Variants in AUTS2 observed in about 807,000 individuals in gnomAD.
The protein encoded by AUTS2 is autism susceptibility gene 2 protein.
In AUTS2, 17 loss-of-function variants were observed where a neutral mutation model predicts 112.4. The observed-to-expected ratio is 0.15, with a 90% confidence interval of 0.10 to 0.23. The LOEUF (loss-of-function observed/expected upper bound fraction) is 0.23, where lower values mean the gene tolerates loss of function less well. AUTS2 is among the 10% of genes least tolerant of loss of function. The pLI is 1.00. For missense variants in AUTS2, 1,510 were observed against 1,701.6 expected (o/e 0.89, Z 1.98); for synonymous variants, 751 against 702.7 (o/e 1.07, Z -1.09).
chr7:69,697,705 A>C (rs1475361694), intron 1 of AUTS2, among the ~76,000 whole-genome samples: 2 of 152,142 alleles, frequency 1.3e-5, no homozygotes, highest in Non-Finnish European at 2.9e-5. Context: ...TGAGCTCTCC[A>C]CCCCAGCTTT....
chr7:70,444,065 A>G (rs1011245457), intron 5 of AUTS2, among the ~76,000 whole-genome samples: 5 of 152,122 alleles, frequency 3.3e-5, no homozygotes, highest in African/African-American at 1.2e-4. Context: ...GTCATGGCTT[A>G]CCTGAAGGGA....
In AUTS2 at chr7:70,790,830, A is replaced by G. The variant is rs202052364; in HGVS notation, c.3614A>G (p.Asn1205Ser). Residue 1205 changes from asparagine (N) to serine (S), a missense_variant, in exon 19 of 19, where the codon AAC becomes AGC. Asn to Ser is a conservative substitution (Grantham distance 46). Around this residue, in one of 3 missense-constraint regions of AUTS2, gnomAD observed 788 missense variants for 797.6 expected, o/e 0.99. Transcript: ENST00000342771. This position sits in a 1 kb window ranked among gnomAD's most constrained non-coding sequence, Gnocchi z 7.6. ...PRISPTAGNQ[N>S]GLLNKTPPTA... ...ATCAGCCCCACCGCGGGCAACCAGA[A>G]CGGACTCCTCAACAAGACCCCTCCG... The G allele has an allele frequency of 6.2e-7, 1 of 1,606,944 alleles. No individual in the cohort carries two copies. The highest frequency in any genetic ancestry group is 1.3e-5 in the African/African-American group (1 of 74,860).
At chr7:70,290,664 C>T in intron 4 of AUTS2, 1 of 1,355,654 alleles carries the variant, frequency 7.4e-7, no homozygotes, top group Admixed American at 4.1e-5. Flanking sequence ...TTTCTCTTTT[C>T]TCCATTCCTC....
chr7:69,967,157 C>T (rs1336414095), intron 2 of AUTS2, among the ~76,000 whole-genome samples: 1 of 152,154 alleles, frequency 6.6e-6, no homozygotes. Context: ...TTTTGGAGAT[C>T]ATGGGGTTAA....
At chr7:69,782,495 T>C (rs1318102610) in intron 1 of AUTS2, among the ~76,000 whole-genome samples, 1 of 152,150 alleles carries the variant, frequency 6.6e-6, no homozygotes, top group African/African-American at 2.4e-5. Context: ...CACAGGGAAT[T>C]TATTTGTAGC....
chr7:70,651,301 T>C (rs1180686201), intron 5 of AUTS2, among the ~76,000 whole-genome samples: 2 of 152,182 alleles, frequency 1.3e-5, no homozygotes, highest in Non-Finnish European at 2.9e-5. Context: ...GCCTGCCCCC[T>C]CTCTGGTGCT....
At chr7:69,846,112 G>C in intron 1 of AUTS2, among the ~76,000 whole-genome samples, 2 of 148,354 alleles carry the variant, frequency 1.3e-5, no homozygotes, top group Admixed American at 1.3e-4. Context: ...TTTTTTTTTG[G>C]TCTGTGCCTT....
In AUTS2 at chr7:70,112,083, A is replaced by G. The variant is rs113790035; in HGVS notation, c.523-6049A>G. On this transcript the variant is annotated intron_variant, in intron 2 of 18. Transcript: ENST00000342771. ...CTTTATAATTAGGCCATTTATTTCT[A>G]TTCTTTCACATTTAATAGAAAATAC... Among the ~76,000 whole-genome samples the G allele has an allele frequency of 1.6e-3, 248 of 151,722 alleles. 6 individuals carry two copies. The highest frequency in any genetic ancestry group is 5.6e-3 in the African/African-American group (231 of 41,422).
At chr7:70,349,467 TG>T (rs1791652399) in intron 4 of AUTS2, among the ~76,000 whole-genome samples, 1 of 152,232 alleles carries the variant, frequency 6.6e-6, no homozygotes, top group Non-Finnish European at 1.5e-5. Flanking sequence ...TATTTACCAG[TG>T]GTACTTGAAG....
At chr7:69,679,520 A>G (rs1438420203) in intron 1 of AUTS2, among the ~76,000 whole-genome samples, 2 of 152,266 alleles carry the variant, frequency 1.3e-5, no homozygotes, top group Non-Finnish European at 2.9e-5. Context: ...TTATGGAAAT[A>G]AATGATGATG....
At chr7:70,676,854 G>T (rs1335341578) in intron 5 of AUTS2, among the ~76,000 whole-genome samples, 1 of 151,368 alleles carries the variant, frequency 6.6e-6, no homozygotes, top group Admixed American at 6.6e-5. Context: ...TCCAGCCTGG[G>T]CGACAAGAGT....
chr7:70,577,750 T>C (rs1802231647), intron 5 of AUTS2, among the ~76,000 whole-genome samples: 1 of 152,216 alleles, frequency 6.6e-6, no homozygotes, highest in South Asian at 2.1e-4. Context: ...TAAGCTATGT[T>C]TTTTTCCCCA....
rs749426049 is a variant in AUTS2, at chr7:70,786,067, C to G, written c.2308+29C>G. ...AGTACCTCTAACTTTTAAAAATCTG[C>G]CTTGGACTTTTTATCTCCTGTGATC... On this transcript the variant is annotated intron_variant, in intron 17 of 18. Transcript: ENST00000342771. The G allele has an allele frequency of 3.1e-6, 5 of 1,592,084 alleles. No homozygotes were observed. The Admixed American group carries it at 8.3e-5, about 27-fold the overall frequency.
At chr7:70,444,337 C>A (rs552165437) in intron 5 of AUTS2, among the ~76,000 whole-genome samples, 1 of 123,750 alleles carries the variant, frequency 8.1e-6, no homozygotes, top group South Asian at 2.4e-4. Flanking sequence ...ACTTTTTGGT[C>A]ATGTACGTGT....
At chr7:70,225,094 G>A (rs1204418996) in intron 4 of AUTS2, among the ~76,000 whole-genome samples, 1 of 152,080 alleles carries the variant, frequency 6.6e-6, no homozygotes, top group Non-Finnish European at 1.5e-5. Flanking sequence ...GAAACTCTAT[G>A]TTTCTTCTCA....
At chr7:70,577,466 A>G (rs1802218954) in intron 5 of AUTS2, among the ~76,000 whole-genome samples, 1 of 152,218 alleles carries the variant, frequency 6.6e-6, no homozygotes, top group Admixed American at 6.5e-5. Flanking sequence ...AAGGTACTTT[A>G]AATCCTTTAT....
intron 2 of AUTS2, among the ~76,000 whole-genome samples, chr7:70,045,030 G>A (rs1442364080): frequency 6.6e-6 from 1 of 151,724 alleles, no homozygotes; most frequent in Non-Finnish European, 1.5e-5. Context: ...AGTGTTACCG[G>A]ACCTATTCTG....
At chr7:69,700,761 C>T (rs1797769106) in intron 1 of AUTS2, among the ~76,000 whole-genome samples, 1 of 152,192 alleles carries the variant, frequency 6.6e-6, no homozygotes, top group African/African-American at 2.4e-5. Context: ...TTTCAAGTGA[C>T]TGAATCTTTC....
At chr7:70,680,629 G>C (rs1055797100) in intron 5 of AUTS2, among the ~76,000 whole-genome samples, 3 of 152,190 alleles carry the variant, frequency 2.0e-5, no homozygotes, top group African/African-American at 7.2e-5. Flanking sequence ...AGCTGTGAGT[G>C]AGCACTGGTA....
Sources: gnomAD v4.1 joint callset for allele counts (sites outside exome capture counted in the v4.1 genomes callset) on GRCh38, gnomAD v4.1.1 for gene constraint, gnomAD v4.1.1 regional missense constraint, Gnocchi (gnomAD v3.1) non-coding constraint, MANE v1.5 for transcripts, NCBI Gene and HGNC (gene_info 2026-07-23, HGNC 2026-07-21) for gene names.